DAPP1: variants seen among roughly 807,000 people sequenced by gnomAD.
DAPP1 encodes dual adapter for phosphotyrosine and 3-phosphotyrosine and 3-phosphoinositide.
A neutral mutation model predicts 41.5 loss-of-function variants in DAPP1; 20 were observed. That is an observed-to-expected ratio of 0.48 (90% confidence interval 0.34 to 0.70). The LOEUF (loss-of-function observed/expected upper bound fraction) is 0.70, where lower values mean the gene tolerates loss of function less well. Among genes scored for constraint, DAPP1 ranks in the 30% least tolerant of loss-of-function variants. The pLI is 0.01. For missense variants in DAPP1, 233 were observed against 333.4 expected, an observed-to-expected ratio of 0.70 and a Z score of 2.35; for synonymous variants, 113 against 116.2, an observed-to-expected ratio of 0.97 and a Z score of 0.18.
chr4:99,854,119 A>G (rs890909515), intron 4 of DAPP1, among the ~76,000 whole-genome samples: 2 of 152,182 alleles, frequency 1.3e-5, no homozygotes, highest in African/African-American at 4.8e-5. Flanking sequence ...CAGACAGAAA[A>G]CACTTGTGCT....
At chr4:99,854,194 T>A (rs1723966319) in intron 4 of DAPP1, among the ~76,000 whole-genome samples, 1 of 152,098 alleles carries the variant, frequency 6.6e-6, no homozygotes, top group African/African-American at 2.4e-5. Flanking sequence ...TGTCCAAGAG[T>A]CCATTTATGT....
At chr4:99,856,887 A>C (rs756305120) in intron 4 of DAPP1, among the ~76,000 whole-genome samples, 22 of 152,218 alleles carry the variant, frequency 1.4e-4, no homozygotes, top group Non-Finnish European at 2.8e-4. Context: ...CCTACAGGAG[A>C]GGAACCCTGA....
chr4:99,862,397 G>T (rs567492011), intron 5 of DAPP1, among the ~76,000 whole-genome samples: 2 of 152,108 alleles, frequency 1.3e-5, no homozygotes, highest in Non-Finnish European at 2.9e-5. Context: ...AGGTAACAGC[G>T]GGCAATGATG....
intron 1 of DAPP1, among the ~76,000 whole-genome samples, chr4:99,831,475 C>T (rs77111670): frequency 0.036 from 5,539 of 152,334 alleles, 150 homozygotes; most frequent in Middle Eastern, 0.12. Context: ...TAACTTTTTA[C>T]ATAATCTCAT....
At chr4:99,841,773 G>A (rs1324619866) in intron 3 of DAPP1, among the ~76,000 whole-genome samples, 1 of 152,166 alleles carries the variant, frequency 6.6e-6, no homozygotes, top group Non-Finnish European at 1.5e-5. Flanking sequence ...CCAGGTCCTG[G>A]CCCACTGCAG....
intron 1 of DAPP1, among the ~76,000 whole-genome samples, chr4:99,831,698 C>T (rs1723125799): frequency 6.6e-6 from 1 of 152,190 alleles, no homozygotes; most frequent in Admixed American, 6.5e-5. Flanking sequence ...AATTCCCCTC[C>T]AACTTAGACC....
chr4:99,850,333 C>G (rs1578182376), intron 3 of DAPP1, among the ~76,000 whole-genome samples: 1 of 152,096 alleles, frequency 6.6e-6, no homozygotes, highest in Middle Eastern at 3.4e-3. Context: ...TCGCTTGAAC[C>G]TGGGAGGCAG....
chr4:99,850,587 A>G (rs546079762), intron 3 of DAPP1, among the ~76,000 whole-genome samples: 121 of 152,310 alleles, frequency 7.9e-4, no homozygotes, highest in African/African-American at 2.8e-3. Flanking sequence ...TTCAAAATGT[A>G]TCTAATTTGG....
intron 3 of DAPP1, among the ~76,000 whole-genome samples, chr4:99,851,368 ATTC>A (rs1418627520): frequency 2.6e-5 from 4 of 152,048 alleles, no homozygotes; most frequent in Non-Finnish European, 5.9e-5. Flanking sequence ...AGAGGCTTTC[ATTC>A]TTCTCTGAGG....
intron 1 of DAPP1, among the ~76,000 whole-genome samples, chr4:99,821,242 C>T (rs1677736416): frequency 6.6e-6 from 1 of 152,206 alleles, no homozygotes; most frequent in African/African-American, 2.4e-5. Context: ...ACGCATAATG[C>T]CATTTAGGCT....
At chr4:99,820,685 T>A (rs1398369028) in intron 1 of DAPP1, among the ~76,000 whole-genome samples, 1 of 152,168 alleles carries the variant, frequency 6.6e-6, no homozygotes, top group Non-Finnish European at 1.5e-5. Flanking sequence ...CTTTTTTTTA[T>A]AAAGGGCCGG....
At chr4:99,847,044 GAA>G (rs1268623582) in intron 3 of DAPP1, among the ~76,000 whole-genome samples, 1 of 152,204 alleles carries the variant, frequency 6.6e-6, no homozygotes, top group Non-Finnish European at 1.5e-5. Flanking sequence ...GGGCAGTAAT[GAA>G]ACACGGATGG....
chr4:99,855,370 G>A (rs554280217), intron 4 of DAPP1, among the ~76,000 whole-genome samples: 4 of 152,274 alleles, frequency 2.6e-5, no homozygotes, highest in African/African-American at 9.6e-5. Flanking sequence ...GCAATAAAAT[G>A]CAGATAATAC....
intron 4 of DAPP1, among the ~76,000 whole-genome samples, chr4:99,856,574 G>A (rs758017879): frequency 3.9e-5 from 6 of 152,164 alleles, no homozygotes; most frequent in African/African-American, 4.8e-5. Context: ...CCTCCCAGCT[G>A]AGCATTTAGA....
At chr4:99,824,827 A>C (rs1722884954) in intron 1 of DAPP1, among the ~76,000 whole-genome samples, 1 of 152,132 alleles carries the variant, frequency 6.6e-6, no homozygotes, top group African/African-American at 2.4e-5. Flanking sequence ...TCCAAATAAA[A>C]TGTTCCCTGA....
At chr4:99,865,167 T>G (rs1724380286) in intron 7 of DAPP1, 1 of 152,184 alleles carries the variant, frequency 6.6e-6, no homozygotes, top group Non-Finnish European at 1.5e-5. Flanking sequence ...TATTCAACTT[T>G]AATTGCTGGT....
intron 4 of DAPP1, among the ~76,000 whole-genome samples, chr4:99,857,338 A>C (rs1018784489): frequency 6.6e-6 from 1 of 152,168 alleles, no homozygotes; most frequent in African/African-American, 2.4e-5. Context: ...GAAGAGCTCT[A>C]TTTTGGACAT....
intron 2 of DAPP1, among the ~76,000 whole-genome samples, chr4:99,839,357 A>C (rs146384276): frequency 0.011 from 1,482 of 140,246 alleles, 26 homozygotes; most frequent in African/African-American, 0.038. Flanking sequence ...AGATATATAT[A>C]TATAGATATA....
At chr4:99,856,619 G>T (rs1192146619) in intron 4 of DAPP1, among the ~76,000 whole-genome samples, 1 of 152,162 alleles carries the variant, frequency 6.6e-6, no homozygotes, top group Non-Finnish European at 1.5e-5. Context: ...TTGCTTTGCG[G>T]CACTACTATC....
Sources: allele counts gnomAD v4.1 joint callset (sites outside exome capture counted in the v4.1 genomes callset), GRCh38; gene constraint gnomAD v4.1.1; transcripts MANE v1.5; gene names NCBI Gene and HGNC (gene_info 2026-07-23, HGNC 2026-07-21).